Variants in ZFYVE1 observed in about 807,000 individuals in gnomAD.
ZFYVE1 encodes zinc finger FYVE domain-containing protein 1.
Under a neutral mutation model 74.4 loss-of-function variants are expected in ZFYVE1, and 30 were observed. The observed-to-expected ratio is 0.40, with a 90% confidence interval of 0.30 to 0.55. ZFYVE1 has a LOEUF of 0.55. ZFYVE1 is among the 20% of genes least tolerant of loss of function. The pLI is 0.42. For missense variants in ZFYVE1, 703 were observed against 1,011.6 expected (o/e 0.69, Z 4.14); for synonymous variants, 335 against 385.1 (o/e 0.87, Z 1.52).
intron 5 of ZFYVE1, among the ~76,000 whole-genome samples, chr14:72,980,302 T>G (rs1248714749): frequency 6.6e-6 from 1 of 152,132 alleles, no homozygotes; most frequent in Non-Finnish European, 1.5e-5. Context: ...AAAGGAGAAG[T>G]GTGCAGGACA....
In ZFYVE1 at chr14:72,969,844, TATAG is replaced by T; in HGVS notation, c.*1034_*1037del. 1 of 657,212 alleles carries T rather than the reference TATAG, an allele frequency of 1.5e-6. No homozygotes were observed. Among genetic ancestry groups the T allele is most frequent in the Non-Finnish European group, 2.7e-6 (1 of 367,548 alleles). The allele number at this position is 657,212 out of a possible 1,614,324, so 40.7% of individuals were successfully genotyped here. The stretch of plus-strand genomic sequence containing the variant: ...TCTTTACGATCTGTTGAAATATTTA[TATAG>T]ACTTTTAAAAACAACTAACAGTTCA... On this transcript the variant is annotated 3_prime_UTR_variant, in exon 12 of 12. Transcript: ENST00000556143.
At chr14:72,992,395 G>C (rs1242072900) in intron 4 of ZFYVE1, among the ~76,000 whole-genome samples, 2 of 152,170 alleles carry the variant, frequency 1.3e-5, no homozygotes, top group African/African-American at 4.8e-5. Flanking sequence ...CACCAACTGT[G>C]TATAACCAAT....
chr14:72,991,252 C>G (rs1893604989), intron 4 of ZFYVE1, among the ~76,000 whole-genome samples: 1 of 148,808 alleles, frequency 6.7e-6, no homozygotes, highest in East Asian at 2.0e-4. Flanking sequence ...TGCAGTGGCG[C>G]CATCTCGGCT....
intron 1 of ZFYVE1, among the ~76,000 whole-genome samples, chr14:73,025,501 C>A (rs1056842650): frequency 2.6e-5 from 4 of 151,524 alleles, no homozygotes; most frequent in South Asian, 2.1e-4. Flanking sequence ...TTCGAGACTA[C>A]CCTGTCCAAC....
intron 5 of ZFYVE1, among the ~76,000 whole-genome samples, chr14:72,981,374 T>C (rs766677675): frequency 6.6e-6 from 1 of 152,156 alleles, no homozygotes; most frequent in African/African-American, 2.4e-5. Flanking sequence ...TACCGACCCA[T>C]AGTGTTTTGC....
At chr14:72,981,766 G>C in intron 5 of ZFYVE1, 23 bp downstream of exon 5, 4 of 1,606,404 alleles carry the variant, frequency 2.5e-6, no homozygotes, top group Non-Finnish European at 3.4e-6. Context: ...TGGGGTGGGA[G>C]GTGGGGGAGC....
chr14:72,992,992 C>A, intron 4 of ZFYVE1, 151 bp downstream of exon 4: 1 of 658,060 alleles, frequency 1.5e-6, no homozygotes, highest in Non-Finnish European at 2.4e-6. Flanking sequence ...AAGCATCTGA[C>A]AGGTGCGGAC....
intron 2 of ZFYVE1, among the ~76,000 whole-genome samples, chr14:73,019,813 G>A (rs1027550370): frequency 9.9e-5 from 15 of 151,848 alleles, no homozygotes; most frequent in Admixed American, 1.3e-4. Context: ...TTAGCCAGGC[G>A]TGGTGGTGGT....
intron 4 of ZFYVE1, 151 bp from the exon 5 acceptor site, chr14:72,982,046 T>C (rs548388942): frequency 4.5e-6 from 3 of 661,388 alleles, no homozygotes; most frequent in East Asian, 2.7e-5. Context: ...CCCACTCACA[T>C]CAGTCCTTAC....
intron 4 of ZFYVE1, among the ~76,000 whole-genome samples, chr14:72,983,363 C>A (rs116852872): frequency 7.6e-6 from 1 of 131,452 alleles, no homozygotes. Flanking sequence ...CCCACCCCAC[C>A]ACAGGCCTCG....
At chr14:72,996,886 A>G (rs1201019797) in intron 3 of ZFYVE1, among the ~76,000 whole-genome samples, 2 of 152,194 alleles carry the variant, frequency 1.3e-5, no homozygotes, top group Non-Finnish European at 2.9e-5. Context: ...CCGAATGAAC[A>G]AGTGAAGATT....
At position 73,024,048 on chromosome 14, in the gene ZFYVE1, A is replaced by C. The variant is rs758650722; in HGVS notation, c.461T>G (p.Val154Gly). The C allele has an allele frequency of 1.2e-6, 2 of 1,613,934 alleles. No homozygotes were observed. The highest frequency in any genetic ancestry group is 2.7e-5 in the African/African-American group (2 of 74,884). ...MTEKVVSFLLVDENEEIQVTN... is the reference protein window; with the variant it reads ...MTEKVVSFLLGDENEEIQVTN... The stretch of plus-strand genomic sequence containing the variant: ...TACCTGAATTTCTTCATTTTCGTCT[A>C]CTAGGAGGAAACTCACAACCTTCTC... Residue 154 changes from valine (V) to glycine (G), a missense_variant, in exon 2 of 12, where the codon GTA (valine) becomes GGA (glycine). By Grantham distance (109) the Val-to-Gly change is moderately radical (BLOSUM62 -3). Transcript: ENST00000556143.
intron 4 of ZFYVE1, among the ~76,000 whole-genome samples, chr14:72,983,152 T>C (rs908783167): frequency 1.3e-5 from 2 of 152,032 alleles, no homozygotes; most frequent in African/African-American, 4.8e-5. Context: ...GCTGAACAAT[T>C]AGAACTTCTT....
At chr14:73,001,352 T>C (rs530986326) in intron 2 of ZFYVE1, among the ~76,000 whole-genome samples, 2 of 152,258 alleles carry the variant, frequency 1.3e-5, no homozygotes, top group South Asian at 4.2e-4. Flanking sequence ...GATAGCAGAT[T>C]TTCCTAAAAT....
chr14:72,998,868 G>A (rs967159920), intron 2 of ZFYVE1, among the ~76,000 whole-genome samples: 5 of 151,672 alleles, frequency 3.3e-5, no homozygotes, highest in South Asian at 2.1e-4. Context: ...AAAAAGAAAG[G>A]GGGGTGGGGC....
chr14:73,023,278 A>T (rs11850855), intron 2 of ZFYVE1, among the ~76,000 whole-genome samples: 1 of 79,110 alleles, frequency 1.3e-5, no homozygotes, highest in Admixed American at 1.6e-4. Flanking sequence ...AATATATATT[A>T]TATATGTTTT....
At chr14:73,020,333 C>T (rs989486423) in intron 2 of ZFYVE1, among the ~76,000 whole-genome samples, 1 of 150,668 alleles carries the variant, frequency 6.6e-6, no homozygotes, top group Middle Eastern at 3.6e-3. Context: ...GCATGCAGTT[C>T]ACTGTTTTTT....
intron 4 of ZFYVE1, among the ~76,000 whole-genome samples, chr14:72,985,960 T>C (rs995782240): frequency 6.6e-5 from 10 of 152,242 alleles, no homozygotes; most frequent in Middle Eastern, 6.8e-3. Context: ...AACAGGTAAC[T>C]GAAAGGCTAG....
chr14:73,009,904 T>G (rs1427802808), intron 2 of ZFYVE1, among the ~76,000 whole-genome samples: 1 of 152,136 alleles, frequency 6.6e-6, no homozygotes, highest in East Asian at 1.9e-4. Context: ...GTCCAGGAAT[T>G]AGAGACCAGC....
Sources: gnomAD v4.1 joint callset for allele counts (sites outside exome capture counted in the v4.1 genomes callset) on GRCh38, gnomAD v4.1.1 for gene constraint, MANE v1.5 for transcripts, NCBI Gene and HGNC (gene_info 2026-07-23, HGNC 2026-07-21) for gene names.